The following MAGED1 variants were observed in gnomAD, a reference collection of about 807,000 sequenced individuals.
MAGED1 encodes MAGE family member D1.
A neutral mutation model predicts 54.1 loss-of-function variants in MAGED1; 3 were observed. That is an observed-to-expected ratio of 0.06 (90% confidence interval 0.03 to 0.14). The LOEUF is 0.14. Ranked by LOEUF, MAGED1 falls within the 10% of genes least tolerant of loss-of-function variation. MAGED1 has a pLI of 1.00. For synonymous variants in MAGED1, 217 were observed against 227.3 expected (o/e 0.95, Z 0.41); for missense variants, 485 against 623.4 (o/e 0.78, Z 2.36).
At chrX:51,861,135 C>A (rs1302234373) in intron 1 of MAGED1, among the ~76,000 whole-genome samples, 1 of 111,722 alleles carries the variant, frequency 9.0e-6, no homozygotes, top group Non-Finnish European at 1.9e-5. Flanking sequence ...ATATGCTCCA[C>A]CATCTTTTGA....
At chrX:51,886,373 TGAG>T (rs1475741701) in intron 1 of MAGED1, among the ~76,000 whole-genome samples, 67 of 111,362 alleles carry the variant, frequency 6.0e-4, no homozygotes, top group African/African-American at 2.2e-3. Context: ...CATACCCTGA[TGAG>T]ATCATTATAC....
At position 51,896,779 on chromosome X, in the gene MAGED1, A is replaced by C; in HGVS notation, c.1124A>C (p.Gln375Pro). The C allele has an allele frequency of 8.3e-7, 1 of 1,210,742 alleles. No individual in the cohort carries two copies. The highest frequency in any genetic ancestry group is 1.1e-6 in the Non-Finnish European group (1 of 894,856). Residue 375 changes from glutamine (Q) to proline (P), a missense_variant, in exon 4 of 13, where the codon CAG becomes CCG. Coordinates refer to ENST00000326587, the MANE Select transcript of MAGED1 (RefSeq NM_006986.4). ...PVVWPNPLAW[Q>P]NPPGWQTPPG... ...GTCTGGCCGAATCCACTGGCCTGGC[A>C]GAATCCACCTGGATGGCAGACTCCA...
chrX:51,868,286 T>G (rs1042981702), intron 1 of MAGED1, among the ~76,000 whole-genome samples: 1 of 111,345 alleles, frequency 9.0e-6, no homozygotes, highest in Non-Finnish European at 1.9e-5. Context: ...TGTTTGTGTG[T>G]GTGTGTGTAT....
At position 51,854,440 on chromosome X, in the gene MAGED1, AG is replaced by A. The variant is rs1227478146; in HGVS notation, c.-36-39828del. 2.7e-5 allele frequency among the ~76,000 whole-genome samples: 3 copies of A among 111,739 alleles called. No individual in the cohort carries two copies. In the East Asian group the frequency reaches 8.5e-4, roughly 32 times the overall value. ...GTAGGGGTTAGAGAACTTACAGTTTAGTTGTATAGTGGTGGGATAGTTGAAG... is the reference window on the plus strand; with the variant it reads ...GTAGGGGTTAGAGAACTTACAGTTTATTGTATAGTGGTGGGATAGTTGAAG... On this transcript the variant is annotated intron_variant, in intron 1 of 12. Coordinates refer to the MAGED1 transcript ENST00000375772.
chrX:51,808,138 T>G (rs1296808923), intron 1 of MAGED1, among the ~76,000 whole-genome samples: 2 of 112,492 alleles, frequency 1.8e-5, no homozygotes, highest in African/African-American at 6.5e-5. Context: ...CAAATTTATT[T>G]TCCTCAATAA....
chrX:51,806,945 G>A (rs186070792), intron 1 of MAGED1, among the ~76,000 whole-genome samples: 42 of 109,955 alleles, frequency 3.8e-4, no homozygotes, highest in African/African-American at 1.2e-3. Context: ...CCACCACTAC[G>A]CCCAGCTAAT....
chrX:51,864,289 A>G (rs1927386682), intron 1 of MAGED1, among the ~76,000 whole-genome samples: 1 of 111,069 alleles, frequency 9.0e-6, no homozygotes, highest in African/African-American at 3.3e-5. Context: ...TGAAGAAACT[A>G]TCCTTTCCAC....
intron 1 of MAGED1, among the ~76,000 whole-genome samples, chrX:51,832,674 G>A (rs1557357550): frequency 2.7e-5 from 3 of 111,465 alleles, no homozygotes; most frequent in African/African-American, 9.8e-5. Flanking sequence ...TGCTACTCAC[G>A]AGCCTTAATG....
intron 1 of MAGED1, among the ~76,000 whole-genome samples, chrX:51,831,193 C>G (rs782688311): frequency 8.9e-6 from 1 of 112,618 alleles, no homozygotes; most frequent in Non-Finnish European, 1.9e-5. Flanking sequence ...ACATATCAAG[C>G]AACTGTTATT....
At chrX:51,831,717 G>A (rs1209720109) in intron 1 of MAGED1, among the ~76,000 whole-genome samples, 5 of 111,755 alleles carry the variant, frequency 4.5e-5, no homozygotes, top group African/African-American at 1.3e-4. Context: ...GGCATTGGAA[G>A]CAATGTACTA....
intron 1 of MAGED1, among the ~76,000 whole-genome samples, chrX:51,881,072 G>A (rs193239504): frequency 1.4e-3 from 161 of 111,459 alleles, no homozygotes; most frequent in African/African-American, 4.9e-3. Flanking sequence ...AAAGGCACTG[G>A]CAGATCTGCT....
chrX:51,857,545 TA>T (rs782533085), intron 1 of MAGED1: 15 of 112,143 alleles, frequency 1.3e-4, no homozygotes, highest in African/African-American at 4.5e-4. Flanking sequence ...TATCTGGAGA[TA>T]ACAGACCTTC....
intron 1 of MAGED1, among the ~76,000 whole-genome samples, chrX:51,856,310 A>G (rs1242350041): frequency 2.7e-5 from 3 of 112,060 alleles, no homozygotes; most frequent in African/African-American, 6.5e-5. Context: ...AGGTATGACT[A>G]TTCTCTGGTT....
Position 51,902,225 on chromosome X carries a change from A to G in MAGED1, c.*88A>G, listed in dbSNP as rs1326773330. On this transcript the variant is annotated 3_prime_UTR_variant, in exon 13 of 13. Transcript: ENST00000326587. ...TCCTTCTAAACACAGCTATCTAGAG[A>G]GCCACATCCTGTTGACTGAAAGTGG... 2 of 236,349 alleles carry G rather than the reference A, an allele frequency of 8.5e-6. No individual in the cohort carries two copies. The highest frequency in any genetic ancestry group is 1.5e-5 in the Non-Finnish European group (2 of 132,813). The allele number at this position is 236,349 out of a possible 1,213,427, so 19.5% of individuals were successfully genotyped here.
chrX:51,894,655 AC>A, intron 2 of MAGED1: 1 of 1,173,529 alleles, frequency 8.5e-7, no homozygotes. Context: ...GCAGTCTGTC[AC>A]CCCCTCCCCC....
chrX:51,895,657 G>C lies in MAGED1; in HGVS notation c.650G>C (p.Gly217Ala), dbSNP rs782059533. ...TSQADIETDP[G>A]ISEPDGATAQ... ...CAGGCTGACATAGAGACCGACCCAG[G>C]TATCTCTGAACCTGACGGTGCAACT... The change falls in exon 3 of 13, where the codon GGT becomes GCT. Residue 217 changes from glycine (G) to alanine (A), a missense_variant. This residue lies in a region of MAGED1 where 299 missense variants were observed against 293.1 expected (regional missense o/e 1.02). Coordinates refer to ENST00000326587, the MANE Select transcript of MAGED1 (RefSeq NM_006986.4). 9.9e-6 allele frequency: 12 copies of C among 1,208,782 alleles called. No individual in the cohort carries two copies. In the Admixed American group the frequency reaches 2.4e-4, roughly 24 times the overall value.
intron 1 of MAGED1, among the ~76,000 whole-genome samples, chrX:51,874,796 G>T (rs1927809262): frequency 9.1e-6 from 1 of 109,481 alleles, no homozygotes; most frequent in Admixed American, 9.7e-5. Context: ...CCTCAAGATG[G>T]GTCCTATTTT....
chrX:51,850,314 T>A (rs1790980798), intron 1 of MAGED1, among the ~76,000 whole-genome samples: 1 of 111,861 alleles, frequency 8.9e-6, no homozygotes, highest in African/African-American at 3.3e-5. Context: ...AGAAAGGAAA[T>A]TACCAGTATT....
chrX:51,812,369 C>T lies in MAGED1; in HGVS notation c.-37+9252C>T, dbSNP rs782620354. ...GAGGTTACTCTGTGGTCTAGTAAAGCTAAGGAAAAGGGGCAAATGGAAAGG... is the reference window on the plus strand; with the variant it reads ...GAGGTTACTCTGTGGTCTAGTAAAGTTAAGGAAAAGGGGCAAATGGAAAGG... On this transcript the variant is annotated intron_variant, in intron 1 of 12. Transcript: ENST00000375772. 2.4e-4 allele frequency among the ~76,000 whole-genome samples: 26 copies of T among 110,380 alleles called. 1 individual carries two copies. The South Asian group carries it at 9.7e-3, about 41-fold the overall frequency.
Sources: gnomAD v4.1 joint callset for allele counts (sites outside exome capture counted in the v4.1 genomes callset) on GRCh38, gnomAD v4.1.1 for gene constraint, gnomAD v4.1.1 regional missense constraint, MANE v1.5 for transcripts, NCBI Gene and HGNC (gene_info 2026-07-23, HGNC 2026-07-21) for gene names.